HMCN1: variants seen among roughly 807,000 people sequenced by gnomAD.
HMCN1 encodes hemicentin 1, also known as hemicentin-1.
In HMCN1, 321 loss-of-function variants were observed where a neutral mutation model predicts 625.9. The ratio of observed to expected loss-of-function variants is 0.51; its 90% CI spans 0.47 to 0.56. The LOEUF is 0.56. Among genes scored for constraint, HMCN1 ranks in the 20% least tolerant of loss-of-function variants. HMCN1 has a pLI of 0.00. For missense variants in HMCN1, 6,588 were observed against 6,887.3 expected, an observed-to-expected ratio of 0.96 and a Z score of 1.54; for synonymous variants, 2,425 against 2,417.6, an observed-to-expected ratio of 1.00 and a Z score of -0.09.
chr1:186,002,435 A>G (rs1653260129), intron 28 of HMCN1, among the ~76,000 whole-genome samples: 1 of 152,120 alleles, frequency 6.6e-6, no homozygotes, highest in Admixed American at 6.6e-5. Flanking sequence ...GATACTGCAT[A>G]AAAATTATAT....
At chr1:186,069,425 A>C (rs1312419455) in intron 50 of HMCN1, among the ~76,000 whole-genome samples, 1 of 152,188 alleles carries the variant, frequency 6.6e-6, no homozygotes, top group East Asian at 1.9e-4. Flanking sequence ...AAGGCATGGC[A>C]GGTCTGAATG....
In HMCN1 at chr1:186,136,654, G is replaced by A. The variant is rs1486328062; in HGVS notation, c.13313-14G>A. The A allele has an allele frequency of 7.4e-6, 12 of 1,613,418 alleles. No homozygotes were observed. The highest frequency in any genetic ancestry group is 9.3e-6 in the Non-Finnish European group (11 of 1,179,524). On this transcript the variant is annotated splice_polypyrimidine_tract_variant and intron_variant, in intron 86 of 106. Coordinates refer to ENST00000271588, the MANE Select transcript of HMCN1 (RefSeq NM_031935.3). ...CTCCACAAAAACTGAGACACTATGT[G>A]CTTTTTTCCGTAGGTCCTCCTATTA... is the stretch of plus-strand genomic sequence containing the variant.
intron 4 of HMCN1, among the ~76,000 whole-genome samples, chr1:185,881,889 G>A (rs2102392311): frequency 6.6e-6 from 1 of 152,210 alleles, no homozygotes; most frequent in South Asian, 2.1e-4. Flanking sequence ...GAATATTTTT[G>A]CAGCTTCAAA....
rs778624567 is a variant in HMCN1, at chr1:186,123,145, G to A, written c.12424G>A (p.Asp4142Asn). 3 of 1,614,034 alleles carry A rather than the reference G, an allele frequency of 1.9e-6. No individual in the cohort carries two copies. The highest frequency in any genetic ancestry group is 1.7e-5 in the Admixed American group (1 of 60,006). Residue 4142 changes from aspartate (D) to asparagine (N), a missense_variant, in exon 81 of 107, where the codon GAT becomes AAT. By Grantham distance (23) the Asp-to-Asn change is conservative. Around this residue, in one of 3 missense-constraint regions of HMCN1, gnomAD observed 1,954 missense variants for 2,013.1 expected, o/e 0.97. Transcript: ENST00000271588. Reference sequence around the variant, plus strand: ...GCAAATAGCATTTGTCCAGCCTGGTGATGCTGGCCATTACACGTGCATGGC... The same window carrying A: ...GCAAATAGCATTTGTCCAGCCTGGTAATGCTGGCCATTACACGTGCATGGC... The part of the protein sequence containing the change: ...SLQIAFVQPG[D>N]AGHYTCMAAN...
chr1:185,869,769 G>A (rs779829681), intron 4 of HMCN1, among the ~76,000 whole-genome samples: 3 of 151,930 alleles, frequency 2.0e-5, no homozygotes, highest in South Asian at 2.1e-4. Context: ...ATTCTATTAC[G>A]TAAACATTAC....
At chr1:185,969,287 T>C (rs557174487) in intron 14 of HMCN1, among the ~76,000 whole-genome samples, 31 of 152,312 alleles carry the variant, frequency 2.0e-4, no homozygotes, top group African/African-American at 7.0e-4. Flanking sequence ...TTTAAAAGCA[T>C]GATTGAGGTT....
chr1:185,868,349 C>T (rs1008296117), intron 4 of HMCN1, among the ~76,000 whole-genome samples: 3 of 152,156 alleles, frequency 2.0e-5, no homozygotes, highest in African/African-American at 4.8e-5. Flanking sequence ...TGTCTCCCCC[C>T]ACTGCCCCCC....
Position 185,923,634 on chromosome 1 carries a change from C to G in HMCN1, c.1266C>G (p.Ser422=), listed in dbSNP as rs565658664. ...TCTTCCAGAGAGTATCAAGTGTTTC[C>G]TTTTCTAGTATTGTCCCAGGTGAGA... ...DYLFQRVSSV[S]FSSIVPDAPK... The change falls in exon 8 of 107, where the codon TCC becomes TCG. Residue 422 remains serine, a synonymous_variant. Coordinates refer to ENST00000271588, the MANE Select transcript of HMCN1 (RefSeq NM_031935.3). 1,368 of 1,604,900 alleles carry G rather than the reference C, an allele frequency of 8.5e-4. 21 individuals carry two copies. In the South Asian group the frequency reaches 0.014, roughly 17 times the overall value.
At chr1:186,003,264 T>C (rs1229534253) in intron 28 of HMCN1, among the ~76,000 whole-genome samples, 1 of 152,130 alleles carries the variant, frequency 6.6e-6, no homozygotes. Context: ...TTATATTGCA[T>C]ACCAAATTTA....
chr1:186,072,375 T>C (rs540891837), intron 52 of HMCN1, among the ~76,000 whole-genome samples: 1 of 152,192 alleles, frequency 6.6e-6, no homozygotes, highest in Admixed American at 6.5e-5. Flanking sequence ...TTTATATAAG[T>C]GATACAATGT....
At chr1:185,756,147 G>A (rs901220661) in intron 1 of HMCN1, among the ~76,000 whole-genome samples, 1 of 152,176 alleles carries the variant, frequency 6.6e-6, no homozygotes, top group African/African-American at 2.4e-5. Context: ...TTTAGAATCT[G>A]GAGAGATTCT....
chr1:185,990,372 A>G lies in HMCN1; in HGVS notation c.3306A>G (p.Glu1102=). The change falls in exon 22 of 107, where the codon GAA becomes GAG. Residue 1102 remains glutamate, a synonymous_variant. Coordinates refer to ENST00000271588, the MANE Select transcript of HMCN1 (RefSeq NM_031935.3). ...GGGAAGAGGTAACACTTCCATGTGA[A>G]GTGAAGAGCTTACCTCCACCCATAA... ...LAGEEVTLPC[E]VKSLPPPIIT... is the part of the protein sequence containing the mutation. 1 of 1,613,884 alleles carries G rather than the reference A, an allele frequency of 6.2e-7. No individual in the cohort carries two copies. Among genetic ancestry groups the G allele is most frequent in the Non-Finnish European group, 8.5e-7 (1 of 1,179,732 alleles).
At chr1:186,131,774 A>G (rs770084502) in intron 85 of HMCN1, among the ~76,000 whole-genome samples, 31 of 152,146 alleles carry the variant, frequency 2.0e-4, no homozygotes, top group Non-Finnish European at 3.8e-4. Context: ...ATTTACACAC[A>G]CAGACACATA....
chr1:186,047,984 T>G (rs1457786602), intron 41 of HMCN1, among the ~76,000 whole-genome samples: 1 of 152,164 alleles, frequency 6.6e-6, no homozygotes, highest in Non-Finnish European at 1.5e-5. Flanking sequence ...TAGTTGGCAA[T>G]AAGTCCCATA....
At chr1:186,172,801 A>T (rs1476369172) in intron 102 of HMCN1, among the ~76,000 whole-genome samples, 1 of 152,196 alleles carries the variant, frequency 6.6e-6, no homozygotes, top group Non-Finnish European at 1.5e-5. Flanking sequence ...GGCCTACTCC[A>T]CTATACCCCC....
intron 105 of HMCN1, among the ~76,000 whole-genome samples, chr1:186,185,365 G>C (rs995464797): frequency 9.9e-5 from 15 of 152,162 alleles, no homozygotes; most frequent in Admixed American, 9.2e-4. Context: ...CATTTTTCTA[G>C]AAGGCTTTTC....
chr1:186,141,906 C>T (rs553635239), intron 89 of HMCN1, among the ~76,000 whole-genome samples: 2 of 152,284 alleles, frequency 1.3e-5, no homozygotes, highest in East Asian at 1.9e-4. Context: ...TGCTCCTCTA[C>T]CCTGCCATAA....
intron 1 of HMCN1, among the ~76,000 whole-genome samples, chr1:185,804,451 C>T (rs1428405444): frequency 6.6e-6 from 1 of 152,018 alleles, no homozygotes; most frequent in Non-Finnish European, 1.5e-5. Flanking sequence ...GCTTCACTGA[C>T]TAAAGGAAAA....
chr1:185,962,095 T>C (rs777786670), intron 11 of HMCN1, among the ~76,000 whole-genome samples: 8 of 152,026 alleles, frequency 5.3e-5, no homozygotes, highest in Non-Finnish European at 7.4e-5. Context: ...AAAGATCAGG[T>C]TGAACAAAGC....
Sources: gnomAD v4.1 joint callset for allele counts (sites outside exome capture counted in the v4.1 genomes callset) on GRCh38, gnomAD v4.1.1 for gene constraint, gnomAD v4.1.1 regional missense constraint, MANE v1.5 for transcripts, NCBI Gene and HGNC (gene_info 2026-07-23, HGNC 2026-07-21) for gene names.